Variants in ZNF438 observed in about 807,000 individuals in gnomAD.
ZNF438 encodes zinc finger protein 438.
A neutral mutation model predicts 38.0 loss-of-function variants in ZNF438; 25 were observed. The observed-to-expected ratio is 0.66, with a 90% confidence interval of 0.48 to 0.92. The LOEUF (loss-of-function observed/expected upper bound fraction) is 0.92. Among genes scored for constraint, ZNF438 ranks in the 40% least tolerant of loss-of-function variants. ZNF438 has a pLI of 0.00. For missense variants in ZNF438, 1,007 were observed against 999.6 expected (o/e 1.01, Z -0.10); for synonymous variants, 372 against 364.1 (o/e 1.02, Z -0.25).
At chr10:30,953,667 C>T (rs371899055) in intron 1 of ZNF438, among the ~76,000 whole-genome samples, 1,942 of 97,618 alleles carry the variant, frequency 0.02, 19 homozygotes, top group Non-Finnish European at 0.025. Context: ...CACACACACA[C>T]ACAAAAAAAA....
At chr10:30,889,967 T>C (rs1290180485) in intron 3 of ZNF438, among the ~76,000 whole-genome samples, 2 of 151,694 alleles carry the variant, frequency 1.3e-5, no homozygotes, top group Non-Finnish European at 2.9e-5. Flanking sequence ...AACTGGATAC[T>C]ACATGCTGAA....
intron 3 of ZNF438, among the ~76,000 whole-genome samples, chr10:30,885,118 G>C (rs1028391024): frequency 6.6e-6 from 1 of 152,180 alleles, no homozygotes; most frequent in Non-Finnish European, 1.5e-5. Context: ...CTGTCATTCA[G>C]ATAAATGCCA....
chr10:31,030,395 T>A (rs2057209877), intron 1 of ZNF438, among the ~76,000 whole-genome samples: 1 of 152,216 alleles, frequency 6.6e-6, no homozygotes, highest in South Asian at 2.1e-4. Context: ...CTGCTCTATT[T>A]CCAGAGATTT....
At chr10:30,869,096 G>A (rs1588893400) in intron 4 of ZNF438, among the ~76,000 whole-genome samples, 2 of 152,346 alleles carry the variant, frequency 1.3e-5, no homozygotes, top group Middle Eastern at 6.8e-3. Context: ...ATTTCGGCCG[G>A]CCACAGTGGC....
chr10:30,867,919 T>C (rs887437743), intron 4 of ZNF438, among the ~76,000 whole-genome samples: 2 of 152,160 alleles, frequency 1.3e-5, no homozygotes, highest in African/African-American at 4.8e-5. Context: ...TTATATAATG[T>C]TTCAAAAACT....
At chr10:30,933,180 G>A (rs568353481) in intron 2 of ZNF438, among the ~76,000 whole-genome samples, 1 of 152,258 alleles carries the variant, frequency 6.6e-6, no homozygotes, top group African/African-American at 2.4e-5. Flanking sequence ...ACAGATGGTG[G>A]TATAAGTAAC....
chr10:30,960,946 T>C (rs1751696434), intron 1 of ZNF438, among the ~76,000 whole-genome samples: 1 of 146,248 alleles, frequency 6.8e-6, no homozygotes, highest in African/African-American at 2.4e-5. Context: ...TCAACAAACA[T>C]TTACTGAATG....
chr10:30,845,020 T>G (rs766721083), exon 6 of ZNF438: 2 of 1,614,198 alleles, frequency 1.2e-6, no homozygotes, highest in African/African-American at 1.3e-5. Flanking sequence ...GTATTTAAAA[T>G]AGCCCACAGT....
At chr10:30,866,572 C>A (rs138814427) in intron 4 of ZNF438, among the ~76,000 whole-genome samples, 3 of 152,094 alleles carry the variant, frequency 2.0e-5, no homozygotes, top group Non-Finnish European at 2.9e-5. Context: ...CGGTGGCTCA[C>A]GCCTGTAATC....
chr10:30,948,559 G>A (rs559082015), intron 1 of ZNF438, among the ~76,000 whole-genome samples: 11,921 of 151,206 alleles, frequency 0.079, 555 homozygotes, highest in Non-Finnish European at 0.11. Flanking sequence ...GCTTAAAGGA[G>A]CTGATGGAGC....
exon 5 of ZNF438, chr10:30,849,748 G>C: frequency 6.2e-7 from 1 of 1,614,192 alleles, no homozygotes; most frequent in Non-Finnish European, 8.5e-7. Context: ...ATGATGCTGG[G>C]GTAGCAGGAG....
chr10:30,875,663 T>C (rs1222286996), intron 4 of ZNF438, among the ~76,000 whole-genome samples: 1 of 152,252 alleles, frequency 6.6e-6, no homozygotes, highest in Non-Finnish European at 1.5e-5. Flanking sequence ...GCCCATCTCC[T>C]TTCTTGCCCT....
chr10:30,939,825 A>C (rs1232553956), intron 2 of ZNF438, among the ~76,000 whole-genome samples: 1 of 152,216 alleles, frequency 6.6e-6, no homozygotes, highest in Non-Finnish European at 1.5e-5. Context: ...ACAAAACAGC[A>C]TTGTACACCA....
intron 4 of ZNF438, among the ~76,000 whole-genome samples, chr10:30,870,959 A>G (rs2037312642): frequency 6.6e-6 from 1 of 152,238 alleles, no homozygotes; most frequent in Admixed American, 6.5e-5. Context: ...AACAATGACC[A>G]GAGCTCAGCT....
intron 2 of ZNF438, among the ~76,000 whole-genome samples, chr10:30,938,060 G>T (rs1483450146): frequency 6.6e-6 from 1 of 152,062 alleles, no homozygotes; most frequent in Non-Finnish European, 1.5e-5. Flanking sequence ...ACTAGTTCTG[G>T]GCTAAGATCT....
chr10:30,852,623 T>A (rs997934582), intron 4 of ZNF438, among the ~76,000 whole-genome samples: 1 of 152,158 alleles, frequency 6.6e-6, no homozygotes, highest in Admixed American at 6.5e-5. Context: ...AGAAATAAGG[T>A]GAAATTTATA....
Position 30,959,455 on chromosome 10 carries a change from T to C in ZNF438, c.-191-17804A>G, listed in dbSNP as rs957039577. Among the ~76,000 whole-genome samples the C allele has an allele frequency of 3.4e-5, 5 of 145,772 alleles. 1 individual carries two copies. The highest frequency in any genetic ancestry group is 7.8e-5 in the Non-Finnish European group (5 of 64,328). ...GCCAATTAATTCCTTAAAATAAATTTTGGCCGGGCGCGGTGGCTCACACCT... is the reference window on the plus strand; with the variant it reads ...GCCAATTAATTCCTTAAAATAAATTCTGGCCGGGCGCGGTGGCTCACACCT... On this transcript the variant is annotated intron_variant, in intron 1 of 5. Transcript: ENST00000413025.
At chr10:30,971,774 T>C (rs1350607885) in intron 1 of ZNF438, among the ~76,000 whole-genome samples, 1 of 152,200 alleles carries the variant, frequency 6.6e-6, no homozygotes, top group Non-Finnish European at 1.5e-5. Context: ...ATATTAAAAA[T>C]ATCTGCCTAT....
At chr10:30,845,025 C>A in exon 6 of ZNF438, 1 of 1,614,132 alleles carries the variant, frequency 6.2e-7, no homozygotes. Flanking sequence ...TAAAATAGCC[C>A]ACAGTTTGGA....
Sources: gnomAD v4.1 joint callset for allele counts (sites outside exome capture counted in the v4.1 genomes callset) on GRCh38, gnomAD v4.1.1 for gene constraint, MANE v1.5 for transcripts, NCBI Gene and HGNC (gene_info 2026-07-23, HGNC 2026-07-21) for gene names.